EHBP1: variants seen among roughly 807,000 people sequenced by gnomAD.
EHBP1 encodes EH domain binding protein 1.
Under a neutral mutation model 144.0 loss-of-function variants are expected in EHBP1, and 55 were observed. The observed-to-expected ratio is 0.38, with a 90% CI of 0.31 to 0.48. The LOEUF (loss-of-function observed/expected upper bound fraction) is 0.48. Among genes scored for constraint, EHBP1 ranks in the 20% least tolerant of loss-of-function variants. The pLI is 0.98. For synonymous variants in EHBP1, 469 were observed against 472.7 expected, an observed-to-expected ratio of 0.99 and a Z score of 0.10; for missense variants, 1,200 against 1,364.2, an observed-to-expected ratio of 0.88 and a Z score of 1.90.
At chr2:62,963,615 C>G (rs913133612) in intron 14 of EHBP1, among the ~76,000 whole-genome samples, 29 of 152,010 alleles carry the variant, frequency 1.9e-4, no homozygotes, top group Non-Finnish European at 2.1e-4. Context: ...CGTATTTTTC[C>G]TAATTACACA....
chr2:62,804,318 G>A (rs1266542650), intron 5 of EHBP1, among the ~76,000 whole-genome samples: 1 of 152,160 alleles, frequency 6.6e-6, no homozygotes, highest in Non-Finnish European at 1.5e-5. Context: ...AAGCAAGAAA[G>A]AGTTGTATAA....
At chr2:63,044,047 G>A (rs2061811678) in intron 21 of EHBP1, 1 of 138,456 alleles carries the variant, frequency 7.2e-6, no homozygotes, top group Non-Finnish European at 1.5e-5. Flanking sequence ...TCTTTTCATT[G>A]TTTACCTTCC....
At chr2:62,858,573 C>A (rs2049262113) in intron 7 of EHBP1, 1 of 1,026,958 alleles carries the variant, frequency 9.7e-7, no homozygotes, top group African/African-American at 1.6e-5. Context: ...GACCTGCTAC[C>A]TCTTGACTTC....
At chr2:62,911,935 C>A (rs2054250141) in intron 10 of EHBP1, among the ~76,000 whole-genome samples, 1 of 152,118 alleles carries the variant, frequency 6.6e-6, no homozygotes, top group Non-Finnish European at 1.5e-5. Flanking sequence ...TTAAACGAAT[C>A]TCCTAAAATT....
At chr2:62,883,400 A>T (rs890791824) in intron 10 of EHBP1, among the ~76,000 whole-genome samples, 1 of 152,248 alleles carries the variant, frequency 6.6e-6, no homozygotes, top group Non-Finnish European at 1.5e-5. Context: ...GGAAAGACTG[A>T]GAAGTTTAGC....
chr2:62,709,538 G>A (rs2034931081), intron 2 of EHBP1, among the ~76,000 whole-genome samples: 1 of 152,140 alleles, frequency 6.6e-6, no homozygotes, highest in Non-Finnish European at 1.5e-5. Flanking sequence ...GAGCTTTTAA[G>A]TTATTAATTT....
chr2:62,706,976 T>C lies in EHBP1; in HGVS notation c.-216T>C. The C allele has an allele frequency of 3.9e-6, 2 of 508,108 alleles. No individual in the cohort carries two copies. The highest frequency in any genetic ancestry group is 3.5e-5 in the East Asian group (1 of 28,900). 31.5% of individuals were successfully genotyped at this position (508,108 alleles called of 1,614,324 possible). A position where few individuals can be genotyped will look rare whatever the true frequency, so the allele number is the denominator to read the frequency against. ...AGGGAACCCCTTCCCACTCATCCTG[T>C]CACGTATATCATAGTGTTCTTGACT... is the stretch of plus-strand genomic sequence containing the variant. On this transcript the variant is annotated 5_prime_UTR_variant, in exon 2 of 23. Coordinates refer to ENST00000431489, the MANE Select transcript of EHBP1 (RefSeq NM_001142616.3).
At chr2:62,936,523 T>C (rs971655382) in intron 10 of EHBP1, among the ~76,000 whole-genome samples, 1 of 152,162 alleles carries the variant, frequency 6.6e-6, no homozygotes, top group South Asian at 2.1e-4. Context: ...GAGGCTCATA[T>C]TGCTATTTGG....
chr2:62,968,877 T>C (rs1374798346), intron 14 of EHBP1, among the ~76,000 whole-genome samples: 1 of 152,232 alleles, frequency 6.6e-6, no homozygotes, highest in African/African-American at 2.4e-5. Context: ...TGTGCATGAC[T>C]GGCAGTGCAT....
chr2:62,724,429 A>T (rs1388108214), intron 2 of EHBP1, among the ~76,000 whole-genome samples: 1 of 152,142 alleles, frequency 6.6e-6, no homozygotes, highest in East Asian at 1.9e-4. Context: ...ACTGCGTCTC[A>T]GTGATTCTTG....
chr2:62,918,485 C>T lies in EHBP1; in HGVS notation c.1186-24233C>T, dbSNP rs375213179. On this transcript the variant is annotated intron_variant, in intron 10 of 22. Transcript: ENST00000431489. ...ATTAATGGCTACAGACTACTCAAGG[C>T]CCCAAAAGGAAACATCAGGGATATA... 4.9e-4 allele frequency among the ~76,000 whole-genome samples: 74 copies of T among 152,202 alleles called. 1 individual carries two copies. Among genetic ancestry groups the T allele is most frequent in the African/African-American group, 1.6e-3 (66 of 41,546 alleles).
Position 62,855,330 on chromosome 2 carries a change from A to G in EHBP1, c.635-3839A>G, listed in dbSNP as rs192841832. Among the ~76,000 whole-genome samples the G allele has an allele frequency of 3.0e-3, 461 of 152,214 alleles. 2 individuals are homozygous for G. The Middle Eastern group carries it at 0.034, about 11-fold the overall frequency. ...CACCTCGGCAGCAGACCCCTTCTGGATTTTGGGCACCGATGAGCATAGGAG... is the reference window on the plus strand; with the variant it reads ...CACCTCGGCAGCAGACCCCTTCTGGGTTTTGGGCACCGATGAGCATAGGAG... On this transcript the variant is annotated intron_variant, in intron 7 of 22. Coordinates refer to ENST00000431489, the MANE Select transcript of EHBP1 (RefSeq NM_001142616.3).
intron 5 of EHBP1, among the ~76,000 whole-genome samples, chr2:62,778,835 A>G (rs1373242744): frequency 1.3e-5 from 2 of 151,618 alleles, no homozygotes; most frequent in African/African-American, 2.4e-5. Context: ...TCAGAGAAAA[A>G]AAGTATATAA....
intron 10 of EHBP1, among the ~76,000 whole-genome samples, chr2:62,926,164 T>G (rs2055490137): frequency 6.6e-6 from 1 of 152,156 alleles, no homozygotes; most frequent in South Asian, 2.1e-4. Context: ...AGATAGTCTC[T>G]TCAATTAATT....
chr2:62,839,673 T>A (rs1380545042), intron 7 of EHBP1, among the ~76,000 whole-genome samples: 2 of 151,614 alleles, frequency 1.3e-5, no homozygotes, highest in Non-Finnish European at 1.5e-5. Flanking sequence ...TGTACAAAAA[T>A]CACAAGCATT....
intron 6 of EHBP1, among the ~76,000 whole-genome samples, chr2:62,827,056 T>C (rs548987893): frequency 6.6e-6 from 1 of 152,306 alleles, no homozygotes; most frequent in South Asian, 2.1e-4. Context: ...GCTGTGAACA[T>C]TTTATCTAAT....
chr2:62,712,538 A>G (rs1300802297), intron 2 of EHBP1, among the ~76,000 whole-genome samples: 1 of 152,212 alleles, frequency 6.6e-6, no homozygotes, highest in African/African-American at 2.4e-5. Context: ...CAGGCATGGA[A>G]TAGATAGAGT....
Position 62,953,203 on chromosome 2 carries a change from G to T in EHBP1, c.2317-2314G>T, listed in dbSNP as rs2057487575. On this transcript the variant is annotated intron_variant, in intron 13 of 22. Coordinates refer to ENST00000431489, the MANE Select transcript of EHBP1 (RefSeq NM_001142616.3). ...TTGTACTCCGGCCTGGGCAACAAGA[G>T]CGAAAGTCCGTCTCAAAAAAAAAAA... 2.0e-5 allele frequency among the ~76,000 whole-genome samples: 2 copies of T among 100,948 alleles called. 1 individual carries two copies. Among genetic ancestry groups the T allele is most frequent in the South Asian group, 6.8e-4 (2 of 2,962 alleles). 66.2% of individuals were successfully genotyped at this position (100,948 alleles called of 152,430 possible).
At chr2:63,031,626 TA>T (rs969172251) in intron 19 of EHBP1, among the ~76,000 whole-genome samples, 8 of 151,850 alleles carry the variant, frequency 5.3e-5, no homozygotes, top group African/African-American at 1.7e-4. Flanking sequence ...ATATGTAATT[TA>T]AAAAAAATAC....
Sources: gnomAD v4.1 joint callset for allele counts (sites outside exome capture counted in the v4.1 genomes callset) on GRCh38, gnomAD v4.1.1 for gene constraint, MANE v1.5 for transcripts, NCBI Gene and HGNC (gene_info 2026-07-23, HGNC 2026-07-21) for gene names.